The following MTNAP1 variants were observed in gnomAD, a reference collection of about 807,000 sequenced individuals.
MTNAP1 encodes the protein mitochondrial nucleoid-associated protein 1.
chr17:73,248,468 G>A, the MTNAP1 span: 1 of 1,550,642 alleles, frequency 6.4e-7, no homozygotes, highest in Non-Finnish European at 8.7e-7. Flanking sequence ...TGGCATTGGA[G>A]TGCCCCGCTA....
chr17:73,248,809 A>T, the MTNAP1 span: 1 of 388,058 alleles, frequency 2.6e-6, no homozygotes, highest in Non-Finnish European at 4.6e-6. Context: ...TTTACTTGGG[A>T]ATGTGTAGTT....
chr17:73,233,797 TGGGA>T, the MTNAP1 span, among the ~76,000 whole-genome samples: 3 of 151,590 alleles, frequency 2.0e-5, no homozygotes, highest in African/African-American at 7.3e-5. Flanking sequence ...CGTTTGAACC[TGGGA>T]GGCTGAGGTT....
chr17:73,242,424 T>A, the MTNAP1 span: 1 of 995,386 alleles, frequency 1.0e-6, no homozygotes, highest in Non-Finnish European at 1.5e-6. Flanking sequence ...TTCGGGCTGT[T>A]AAGCAAGGCT....
chr17:73,248,657 T>C, the MTNAP1 span: 4 of 991,082 alleles, frequency 4.0e-6, no homozygotes, highest in Non-Finnish European at 6.2e-6. Context: ...TGAGAGGACG[T>C]ATTTGAAGGT....
chr17:73,247,108 A>G, the MTNAP1 span: 2 of 752,764 alleles, frequency 2.7e-6, no homozygotes, highest in South Asian at 1.7e-5. Context: ...GTCAAAATGT[A>G]CAAAAACAAG....
the MTNAP1 span, among the ~76,000 whole-genome samples, chr17:73,240,724 C>T: frequency 6.6e-6 from 1 of 152,216 alleles, no homozygotes; most frequent in Non-Finnish European, 1.5e-5. Context: ...ACTGAATTAA[C>T]TGCAGGTCAG....
chr17:73,235,932 A>G, the MTNAP1 span: 1 of 1,614,240 alleles, frequency 6.2e-7, no homozygotes, highest in Non-Finnish European at 8.5e-7. Flanking sequence ...CTCCTAAAAG[A>G]GAACTTGCCA....
the MTNAP1 span, chr17:73,245,308 G>A: frequency 4.3e-6 from 6 of 1,410,096 alleles, no homozygotes; most frequent in South Asian, 1.6e-5. Flanking sequence ...AGAGGGGAGT[G>A]AAAAAAATAA....
the MTNAP1 span, chr17:73,242,855 T>TG: frequency 1.3e-6 from 2 of 1,540,598 alleles, no homozygotes; most frequent in South Asian, 2.3e-5. Flanking sequence ...TGGCCCTAGT[T>TG]TCAGTTGCTG....
At chr17:73,236,607 T>C in the MTNAP1 span, 1 of 1,614,174 alleles carries the variant, frequency 6.2e-7, no homozygotes, top group Non-Finnish European at 8.5e-7. Flanking sequence ...GTAGTCAAAG[T>C]CTTGCCTCTC....
the MTNAP1 span, chr17:73,245,268 G>A: frequency 6.5e-7 from 1 of 1,543,344 alleles, no homozygotes; most frequent in East Asian, 2.3e-5. Flanking sequence ...ATACTTAACA[G>A]TTTAAAAATG....
At chr17:73,237,733 A>C in the MTNAP1 span, among the ~76,000 whole-genome samples, 4 of 150,078 alleles carry the variant, frequency 2.7e-5, no homozygotes, top group African/African-American at 1.0e-4. Context: ...ACAGGACAAG[A>C]AATAGGTTCT....
chr17:73,244,426 G>C, the MTNAP1 span: 1 of 152,040 alleles, frequency 6.6e-6, no homozygotes, highest in Non-Finnish European at 1.5e-5. Flanking sequence ...AGCTGGGCGT[G>C]GTGGCGGGCG....
the MTNAP1 span, among the ~76,000 whole-genome samples, chr17:73,240,436 T>C: frequency 6.6e-6 from 1 of 152,148 alleles, no homozygotes; most frequent in Non-Finnish European, 1.5e-5. Context: ...TAGGATCAGG[T>C]CAAGCCCTGA....
chr17:73,236,170 AT>A, the MTNAP1 span: 2 of 1,614,138 alleles, frequency 1.2e-6, no homozygotes, highest in Non-Finnish European at 8.5e-7. Flanking sequence ...TGATTGTCAT[AT>A]TTCTCCAAAG....
At chr17:73,233,047 C>T in the MTNAP1 span, 1 of 152,544 alleles carries the variant, frequency 6.6e-6, no homozygotes, top group Non-Finnish European at 1.5e-5. Context: ...TGGAGAGCGC[C>T]GGAGGTGAGG....
At chr17:73,236,983 A>G in the MTNAP1 span, 1 of 1,569,300 alleles carries the variant, frequency 6.4e-7, no homozygotes, top group Non-Finnish European at 8.6e-7. Flanking sequence ...CCAGGGGGAA[A>G]GACTCTCACA....
chr17:73,245,064 TA>T, the MTNAP1 span: 1 of 1,120,676 alleles, frequency 8.9e-7, no homozygotes, highest in Non-Finnish European at 1.3e-6. Flanking sequence ...ACTCTATTTC[TA>T]AACTTATAAA....
chr17:73,234,914 A>G, the MTNAP1 span, among the ~76,000 whole-genome samples: 1 of 151,974 alleles, frequency 6.6e-6, no homozygotes, highest in Non-Finnish European at 1.5e-5. Flanking sequence ...CCTCTGCTGT[A>G]ATCAGTAACC....
Sources: allele counts gnomAD v4.1 joint callset (sites outside exome capture counted in the v4.1 genomes callset), GRCh38; gene constraint gnomAD v4.1.1; transcripts MANE v1.5; gene names NCBI Gene and HGNC (gene_info 2026-07-23, HGNC 2026-07-21).